The following TRMT9B variants were observed in gnomAD, a reference collection of about 807,000 sequenced individuals.
The protein encoded by TRMT9B is tRNA methyltransferase 9B (putative), also known as probable tRNA methyltransferase 9B.
A neutral mutation model predicts 11.5 loss-of-function variants in TRMT9B; 16 were observed. The ratio of observed to expected loss-of-function variants is 1.39; its 90% CI spans 0.94 to 2.11. The LOEUF (loss-of-function observed/expected upper bound fraction) is 2.11, where lower values mean the gene tolerates loss of function less well. Among genes scored for constraint, TRMT9B ranks in the 30% most tolerant of loss-of-function variants. The pLI is 0.00. For missense variants in TRMT9B, 941 were observed against 553.8 expected, an observed-to-expected ratio of 1.70 and a Z score of -7.02; for synonymous variants, 274 against 192.4, an observed-to-expected ratio of 1.42 and a Z score of -3.51.
At position 12,957,428 on chromosome 8, in the gene TRMT9B, C is replaced by G. The variant is rs550070725; in HGVS notation, c.-200+11462C>G. Among the ~76,000 whole-genome samples, 73 of 151,582 alleles carry G rather than the reference C, an allele frequency of 4.8e-4. 1 individual carries two copies. Among genetic ancestry groups the G allele is most frequent in the African/African-American group, 1.6e-3 (67 of 41,302 alleles). Reference sequence around the variant, plus strand: ...GAAGCCATTAAAATTTTATCAGAGCCTATAACATTCCATGGGACATCAAAT... The same window carrying G: ...GAAGCCATTAAAATTTTATCAGAGCGTATAACATTCCATGGGACATCAAAT... On this transcript the variant is annotated intron_variant, in intron 1 of 4. Transcript: ENST00000524591.
At chr8:12,985,475 A>G (rs1015561530) in intron 1 of TRMT9B, among the ~76,000 whole-genome samples, 3 of 152,154 alleles carry the variant, frequency 2.0e-5, no homozygotes, top group Admixed American at 2.0e-4. Context: ...AATCTAGAAA[A>G]GCTAATATTG....
intron 4 of TRMT9B, among the ~76,000 whole-genome samples, chr8:13,013,377 C>G (rs569162244): frequency 4.9e-4 from 74 of 152,286 alleles, no homozygotes; most frequent in African/African-American, 1.6e-3. Context: ...TATAATGCCA[C>G]TCTGCTCATT....
chr8:13,016,291 G>A (rs1014051928), intron 4 of TRMT9B, among the ~76,000 whole-genome samples: 1 of 100,136 alleles, frequency 1.0e-5, no homozygotes, highest in Admixed American at 1.2e-4. Flanking sequence ...ATATTTGTGT[G>A]TTTATATAAC....
At chr8:13,018,339 C>T (rs752811114) in intron 4 of TRMT9B, among the ~76,000 whole-genome samples, 5 of 145,382 alleles carry the variant, frequency 3.4e-5, no homozygotes, top group Admixed American at 2.8e-4. Context: ...AAGGCAGAGG[C>T]TGCAGCAAGC....
intron 1 of TRMT9B, among the ~76,000 whole-genome samples, chr8:12,976,424 A>C (rs972625857): frequency 6.6e-5 from 10 of 151,298 alleles, no homozygotes; most frequent in Non-Finnish European, 1.5e-4. Context: ...GTTGTGTGAG[A>C]TACTATATAT....
In TRMT9B at chr8:13,012,794, G is replaced by A; in HGVS notation, c.265G>A (p.Val89Ile). Residue 89 changes from valine to isoleucine, a missense_variant, in exon 4 of 5, where the codon GTA (valine) becomes ATA (isoleucine). Physicochemically the swap from Val to Ile is conservative, Grantham distance 29 (BLOSUM62 3). Transcript: ENST00000524591. Reference sequence around the variant, plus strand: ...CCGGAATAGAGGATGTGAAGCCATGGTATGTGACAACCTTAATCTCCCCTT... The same window carrying A: ...CCGGAATAGAGGATGTGAAGCCATGATATGTGACAACCTTAATCTCCCCTT... The part of the protein sequence containing the change: ...IARNRGCEAM[V>I]CDNLNLPFRD... 1 of 1,613,922 alleles carries A rather than the reference G, an allele frequency of 6.2e-7. No individual in the cohort carries two copies. Among genetic ancestry groups the A allele is most frequent in the Non-Finnish European group, 8.5e-7 (1 of 1,179,874 alleles).
chr8:12,951,026 A>T (rs1453995433), intron 1 of TRMT9B, among the ~76,000 whole-genome samples: 1 of 152,184 alleles, frequency 6.6e-6, no homozygotes, highest in Non-Finnish European at 1.5e-5. Flanking sequence ...GTTTGATAAT[A>T]GGCGGTTGAA....
intron 3 of TRMT9B, 74 bp from the exon 4 acceptor site, chr8:13,012,610 C>T: frequency 6.8e-7 from 1 of 1,478,132 alleles, no homozygotes; most frequent in Non-Finnish European, 9.1e-7. Context: ...AATTATATTT[C>T]TTGTTATGAG....
intron 2 of TRMT9B, among the ~76,000 whole-genome samples, chr8:13,004,732 C>T (rs1157334557): frequency 2.0e-5 from 3 of 151,990 alleles, no homozygotes; most frequent in Admixed American, 6.5e-5. Context: ...TGCGACTTAG[C>T]ACATTCCCAT....
chr8:12,985,937 T>C (rs1389651813), intron 1 of TRMT9B, among the ~76,000 whole-genome samples: 2 of 152,140 alleles, frequency 1.3e-5, no homozygotes, highest in Non-Finnish European at 2.9e-5. Flanking sequence ...CTTGGCTCAC[T>C]GCAACCTCCG....
intron 2 of TRMT9B, among the ~76,000 whole-genome samples, chr8:13,004,526 G>T (rs1167732144): frequency 6.6e-6 from 1 of 151,906 alleles, no homozygotes; most frequent in African/African-American, 2.4e-5. Flanking sequence ...GTCTGTTCAG[G>T]CCCTACCCCC....
At chr8:13,019,221 C>G (rs902687604) in intron 4 of TRMT9B, among the ~76,000 whole-genome samples, 1 of 152,138 alleles carries the variant, frequency 6.6e-6, no homozygotes, top group Non-Finnish European at 1.5e-5. Flanking sequence ...ATAGAAGACG[C>G]TCTAAAGTGA....
chr8:12,985,188 C>T (rs1806079525), intron 1 of TRMT9B, among the ~76,000 whole-genome samples: 1 of 152,160 alleles, frequency 6.6e-6, no homozygotes, highest in Non-Finnish European at 1.5e-5. Context: ...CACTTTCTTT[C>T]ATCATGTTTA....
intron 2 of TRMT9B, among the ~76,000 whole-genome samples, chr8:12,991,786 C>A (rs924720506): frequency 6.6e-6 from 1 of 152,014 alleles, no homozygotes; most frequent in Admixed American, 6.6e-5. Context: ...CACAACTTAG[C>A]CAGGCGTGGT....
In TRMT9B at chr8:13,023,397, C is replaced by T. The variant is rs768278388; in HGVS notation, c.*1353C>T. The stretch of plus-strand genomic sequence containing the variant: ...GCATTTATTTTATTGAAGGTGACTA[C>T]ATTTTATTAGTTATATTAGGAATTT... On this transcript the variant is annotated 3_prime_UTR_variant, in exon 5 of 5. Transcript: ENST00000524591. 5.4e-5 allele frequency: 9 copies of T among 167,030 alleles called. No homozygotes were observed. Among genetic ancestry groups the T allele is most frequent in the Non-Finnish European group, 1.2e-4 (8 of 68,106 alleles). 10.3% of individuals were successfully genotyped at this position (167,030 alleles called of 1,614,324 possible).
chr8:13,008,888 C>G (rs775807892), intron 3 of TRMT9B, among the ~76,000 whole-genome samples: 1 of 152,070 alleles, frequency 6.6e-6, no homozygotes, highest in Non-Finnish European at 1.5e-5. Context: ...GCCACCACGC[C>G]CAGCTAATTT....
In TRMT9B at chr8:13,027,370, A is replaced by G. The variant is rs957002589; in HGVS notation, c.*5326A>G. ...TTAGAGAATCATGATGCATATTAGC[A>G]TATTTAAGGAGTACCCTAAAGCTTG... On this transcript the variant is annotated 3_prime_UTR_variant, in exon 5 of 5. Coordinates refer to ENST00000524591, the MANE Select transcript of TRMT9B (RefSeq NM_020844.3). 1.2e-5 allele frequency: 2 copies of G among 167,100 alleles called. No individual in the cohort carries two copies. The highest frequency in any genetic ancestry group is 2.9e-5 in the Non-Finnish European group (2 of 68,130). 10.4% of individuals were successfully genotyped at this position (167,100 alleles called of 1,614,324 possible).
chr8:13,006,136 C>A (rs1350013187), intron 2 of TRMT9B, 66 bp from the exon 3 acceptor site: 2 of 1,486,148 alleles, frequency 1.3e-6, no homozygotes, highest in Non-Finnish European at 1.8e-6. Context: ...AAATCTGCAT[C>A]CTCCTTCAGC....
chr8:13,010,340 G>T, intron 3 of TRMT9B: 1 of 970,260 alleles, frequency 1.0e-6, no homozygotes, highest in Non-Finnish European at 1.2e-6. Flanking sequence ...AGTTAAAGAA[G>T]AAAGAAATGA....
Sources: gnomAD v4.1 joint callset for allele counts (sites outside exome capture counted in the v4.1 genomes callset) on GRCh38, gnomAD v4.1.1 for gene constraint, MANE v1.5 for transcripts, NCBI Gene and HGNC (gene_info 2026-07-23, HGNC 2026-07-21) for gene names.